Variants in LAD1 observed in about 807,000 individuals in gnomAD.
The protein encoded by LAD1 is ladinin-1.
Under a neutral mutation model 54.2 loss-of-function variants are expected in LAD1, and 53 were observed. The ratio of observed to expected loss-of-function variants is 0.98; its 90% CI spans 0.78 to 1.23. The LOEUF (loss-of-function observed/expected upper bound fraction) is 1.23. LAD1 is among the 50% of genes most tolerant of loss of function. LAD1 has a pLI of 0.00. For synonymous variants in LAD1, 231 were observed against 257.7 expected, an observed-to-expected ratio of 0.90 and a Z score of 0.99; for missense variants, 637 against 653.3, an observed-to-expected ratio of 0.98 and a Z score of 0.27.
At chr1:201,381,946 G>A in intron 9 of LAD1, 53 bp from the exon 10 acceptor site, 1 of 1,595,396 alleles carries the variant, frequency 6.3e-7, no homozygotes. Flanking sequence ...GGGATGGAAG[G>A]GGAAGGGGGC....
At chr1:201,397,810 CCACACACA>C (rs4019989) in intron 1 of LAD1, among the ~76,000 whole-genome samples, 1 of 150,840 alleles carries the variant, frequency 6.6e-6, no homozygotes, top group Non-Finnish European at 1.5e-5. Flanking sequence ...CACAAGTATG[CCACACACA>C]CACACACACA....
At chr1:201,382,202 A>G in intron 9 of LAD1, 50 bp downstream of exon 9, 6 of 1,445,526 alleles carry the variant, frequency 4.2e-6, no homozygotes, top group Non-Finnish European at 5.8e-6. Context: ...GGTCTCCCAC[A>G]GTACACCGTG....
chr1:201,390,245 T>C (rs1045643533), intron 1 of LAD1, among the ~76,000 whole-genome samples: 24 of 150,608 alleles, frequency 1.6e-4, no homozygotes, highest in Admixed American at 8.6e-4. Flanking sequence ...ATGTGACTAC[T>C]CAAAAACTTA....
chr1:201,394,048 T>C (rs1008697165), intron 1 of LAD1, among the ~76,000 whole-genome samples: 6 of 152,192 alleles, frequency 3.9e-5, no homozygotes, highest in Admixed American at 2.6e-4. Flanking sequence ...CCCATCTCTA[T>C]ATAAGTGAAG....
chr1:201,382,209 C>T (rs111489399), intron 9 of LAD1, 43 bp downstream of exon 9: 39,167 of 1,496,424 alleles, frequency 0.026, 666 homozygotes, highest in African/African-American at 0.061. Flanking sequence ...CACAGTACAC[C>T]GTGGCCCTCC....
chr1:201,387,228 C>A (rs766829657), intron 2 of LAD1, 50 bp from the exon 3 acceptor site: 1 of 1,455,000 alleles, frequency 6.9e-7, no homozygotes, highest in Non-Finnish European at 9.0e-7. Context: ...TGGAAGATAC[C>A]CTAAGTATAC....
Position 201,381,598 on chromosome 1 carries a change from C to T in LAD1, c.*290G>A. ...CAGAGGTCTCTGGGCAGGACATAGG[C>T]CCCATAGTGCTGATGTGCACTTGTG... On this transcript the variant is annotated 3_prime_UTR_variant, in exon 10 of 10. Coordinates refer to ENST00000391967, the MANE Select transcript of LAD1 (RefSeq NM_005558.4). 1 of 526,222 alleles carries T rather than the reference C, an allele frequency of 1.9e-6. No homozygotes were observed. The highest frequency in any genetic ancestry group is 3.4e-6 in the Non-Finnish European group (1 of 290,618). 32.6% of individuals were successfully genotyped at this position (526,222 alleles called of 1,614,324 possible). A position where few individuals can be genotyped will look rare whatever the true frequency, so the allele number is the denominator to read the frequency against.
At chr1:201,385,132 C>A (rs530181564) in intron 4 of LAD1, among the ~76,000 whole-genome samples, 2 of 152,218 alleles carry the variant, frequency 1.3e-5, no homozygotes, top group Non-Finnish European at 2.9e-5. Flanking sequence ...TGCCCATGAG[C>A]TCTGTGGGGG....
chr1:201,382,788 G>C, intron 7 of LAD1, 49 bp from the exon 8 acceptor site: 1 of 1,428,708 alleles, frequency 7.0e-7, no homozygotes, highest in Non-Finnish European at 9.7e-7. Context: ...TGGCAGCAGC[G>C]AGGCATGTTC....
rs190570839 is a variant in LAD1, at chr1:201,385,513, C to T, written c.1131+188G>A. Among the ~76,000 whole-genome samples the T allele has an allele frequency of 4.6e-5, 7 of 152,320 alleles. No homozygotes were observed. In the South Asian group the frequency reaches 1.4e-3, roughly 32 times the overall value. On this transcript the variant is annotated intron_variant, in intron 4 of 9. Coordinates refer to ENST00000391967, the MANE Select transcript of LAD1 (RefSeq NM_005558.4). ...CTCATGCTTACTGGCACCTACCCCC[C>T]AGGTTACTAACCTGTTCTCCTCTGC...
At chr1:201,395,570 A>G (rs1176434875) in intron 1 of LAD1, among the ~76,000 whole-genome samples, 2 of 152,132 alleles carry the variant, frequency 1.3e-5, no homozygotes, top group Non-Finnish European at 2.9e-5. Context: ...GCCGGCCAAC[A>G]TGGTGAAACC....
At chr1:201,382,163 C>G (rs1396150965) in intron 9 of LAD1, 89 bp downstream of exon 9, 2 of 1,153,368 alleles carry the variant, frequency 1.7e-6, no homozygotes, top group East Asian at 4.7e-5. Flanking sequence ...GATTGCAGGC[C>G]AATTAGTGTG....
chr1:201,388,696 A>G (rs1049001919), intron 2 of LAD1, among the ~76,000 whole-genome samples: 2 of 151,798 alleles, frequency 1.3e-5, no homozygotes, highest in African/African-American at 2.4e-5. Flanking sequence ...AAAAAAAAAA[A>G]AAGAAGTAAA....
At chr1:201,390,340 C>CT (rs1662176125) in intron 1 of LAD1, among the ~76,000 whole-genome samples, 1 of 147,702 alleles carries the variant, frequency 6.8e-6, no homozygotes, top group African/African-American at 2.5e-5. Context: ...GAGATCAAGA[C>CT]TTGGTGAAAC....
chr1:201,391,187 T>G (rs1012138732), intron 1 of LAD1: 4 of 453,494 alleles, frequency 8.8e-6, no homozygotes, highest in Non-Finnish European at 1.8e-5. Flanking sequence ...GCCATGGAGC[T>G]CCACAGATCT....
Position 201,389,174 on chromosome 1 carries a change from G to A in LAD1, c.168C>T (p.Ala56=). 6.2e-7 allele frequency: 1 copy of A among 1,614,128 alleles called. No individual in the cohort carries two copies. Among genetic ancestry groups the A allele is most frequent in the Admixed American group, 1.7e-5 (1 of 60,024 alleles). The change falls in exon 2 of 10, where the codon GCC becomes GCT. Residue 56 remains alanine (A), a synonymous_variant. Coordinates refer to ENST00000391967, the MANE Select transcript of LAD1 (RefSeq NM_005558.4). ...PRLSQNGDRQ[A]SASERLPSVE... is the part of the protein sequence containing the mutation. Reference sequence around the variant, plus strand: ...TGAGCACCTACCTCTCAGAAGCAGAGGCCTGCCGGTCTCCATTCTGGCTGA... The same window carrying A: ...TGAGCACCTACCTCTCAGAAGCAGAAGCCTGCCGGTCTCCATTCTGGCTGA...
Position 201,386,830 on chromosome 1 carries a change from G to C in LAD1, c.531C>G (p.Ser177=). 6.2e-7 allele frequency: 1 copy of C among 1,613,836 alleles called. No homozygotes were observed. Among genetic ancestry groups the C allele is most frequent in the South Asian group, 1.1e-5 (1 of 91,034 alleles). ...EERKKGVPEK[S]PVLEKSSMPK... ...GCATGGAGGACTTCTCCAAGACTGG[G>C]GACTTTTCTGGAACCCCTTTCTTCC... is the stretch of plus-strand genomic sequence containing the variant. The change falls in exon 3 of 10, where the codon TCC becomes TCG. Residue 177 remains serine (S), a synonymous_variant. Coordinates refer to ENST00000391967, the MANE Select transcript of LAD1 (RefSeq NM_005558.4).
intron 2 of LAD1, among the ~76,000 whole-genome samples, chr1:201,388,777 T>G (rs998970816): frequency 2.0e-5 from 3 of 151,984 alleles, no homozygotes; most frequent in African/African-American, 7.3e-5. Flanking sequence ...CAGATCTGGA[T>G]GGACATTCTG....
chr1:201,396,295 ATCC>A (rs1251546936), intron 1 of LAD1, among the ~76,000 whole-genome samples: 2 of 151,882 alleles, frequency 1.3e-5, no homozygotes, highest in Admixed American at 1.3e-4. Flanking sequence ...TAATGCTGCT[ATCC>A]TCCTCCCCAC....
Sources: allele counts gnomAD v4.1 joint callset (sites outside exome capture counted in the v4.1 genomes callset), GRCh38; gene constraint gnomAD v4.1.1; transcripts MANE v1.5; gene names NCBI Gene and HGNC (gene_info 2026-07-23, HGNC 2026-07-21).